The following LLPH variants were observed in gnomAD, a reference collection of about 807,000 sequenced individuals.
LLPH encodes the protein protein LLP homolog.
A neutral mutation model predicts 13.3 loss-of-function variants in LLPH; 5 were observed. The observed-to-expected ratio is 0.38, with a 90% CI of 0.20 to 0.79. LLPH has a LOEUF of 0.79. Among genes scored for constraint, LLPH ranks in the 30% least tolerant of loss-of-function variants. LLPH has a pLI of 0.45. For synonymous variants in LLPH, 32 were observed against 44.2 expected (o/e 0.72, Z 1.09); for missense variants, 129 against 152.1 (o/e 0.85, Z 0.80).
intron 2 of LLPH, among the ~76,000 whole-genome samples, chr12:66,125,083 A>T (rs919760170): frequency 2.0e-5 from 3 of 152,186 alleles, no homozygotes; most frequent in Non-Finnish European, 4.4e-5. Flanking sequence ...AAAAAAAAGA[A>T]CTGGTAGGCG....
intron 2 of LLPH, among the ~76,000 whole-genome samples, chr12:66,126,217 G>C (rs1398295693): frequency 1.3e-5 from 2 of 151,924 alleles, no homozygotes; most frequent in African/African-American, 2.4e-5. Flanking sequence ...CCAGCTACTA[G>C]GGAGGCTGAG....
rs1030988424 is a variant in LLPH, at chr12:66,117,224, T to A, written c.*6616A>T. 2 of 152,252 alleles carry A rather than the reference T, an allele frequency of 1.3e-5. No homozygotes were observed. The highest frequency in any genetic ancestry group is 2.9e-5 in the Non-Finnish European group (2 of 68,036). 9.4% of individuals were successfully genotyped at this position (152,252 alleles called of 1,614,324 possible). ...AAGAAAACTACAGTTGCATCTGTACTGAACATGTACCGACTTTTTTTCTTA... is the reference window on the plus strand; with the variant it reads ...AAGAAAACTACAGTTGCATCTGTACAGAACATGTACCGACTTTTTTTCTTA... On this transcript the variant is annotated 3_prime_UTR_variant, in exon 3 of 3. Coordinates refer to ENST00000266604, the MANE Select transcript of LLPH (RefSeq NM_032338.4).
At chr12:66,125,711 T>C (rs1424203423) in intron 2 of LLPH, among the ~76,000 whole-genome samples, 2 of 152,148 alleles carry the variant, frequency 1.3e-5, no homozygotes, top group Non-Finnish European at 2.9e-5. Context: ...CATCTAGCAG[T>C]TGACAGACCC....
chr12:66,120,722 A>G lies in LLPH; in HGVS notation c.*3118T>C, dbSNP rs2051458008. 6.6e-6 allele frequency: 1 copy of G among 152,254 alleles called. No individual in the cohort carries two copies. The highest frequency in any genetic ancestry group is 1.5e-5 in the Non-Finnish European group (1 of 68,046). The allele number at this position is 152,254 out of a possible 1,614,324, so 9.4% of individuals were successfully genotyped here. On this transcript the variant is annotated 3_prime_UTR_variant, in exon 3 of 3. Transcript: ENST00000266604. The stretch of plus-strand genomic sequence containing the variant: ...TCTCTGGAAAATGTCAGTCAAAAAG[A>G]TGACAAATTTCAAAAAAATAAGCTA...
intron 2 of LLPH, among the ~76,000 whole-genome samples, chr12:66,126,623 G>T (rs554517952): frequency 7.6e-4 from 116 of 152,020 alleles, no homozygotes; most frequent in African/African-American, 2.8e-3. Context: ...AATACAAATG[G>T]TCAATCAGCA....
chr12:66,129,743 T>C (rs1446212880), intron 1 of LLPH, among the ~76,000 whole-genome samples: 4 of 152,192 alleles, frequency 2.6e-5, no homozygotes, highest in Admixed American at 2.6e-4. Context: ...CGTCATCACC[T>C]TACATTTATG....
At chr12:66,125,889 A>T (rs1453451005) in intron 2 of LLPH, among the ~76,000 whole-genome samples, 1 of 152,254 alleles carries the variant, frequency 6.6e-6, no homozygotes, top group East Asian at 1.9e-4. Context: ...CCAAGAGGAA[A>T]GACAGATAAT....
At position 66,119,968 on chromosome 12, in the gene LLPH, G is replaced by A. The variant is rs936230977; in HGVS notation, c.*3872C>T. On this transcript the variant is annotated 3_prime_UTR_variant, in exon 3 of 3. Transcript: ENST00000266604. ...TAGCATGTGAATTACATAGTGGGAA[G>A]AGATATCTACACTAATGTGACAGTA... 6.6e-6 allele frequency: 1 copy of A among 151,450 alleles called. No individual in the cohort carries two copies. The highest frequency in any genetic ancestry group is 1.5e-5 in the Non-Finnish European group (1 of 67,830). 9.4% of individuals were successfully genotyped at this position (151,450 alleles called of 1,614,324 possible).
chr12:66,116,752 A>C lies in LLPH; in HGVS notation c.*7088T>G, dbSNP rs2051430754. The C allele has an allele frequency of 6.6e-6, 1 of 152,262 alleles. No homozygotes were observed. The highest frequency in any genetic ancestry group is 2.1e-4 in the South Asian group (1 of 4,838). The allele number at this position is 152,262 out of a possible 1,614,324, so 9.4% of individuals were successfully genotyped here. A position where few individuals can be genotyped will look rare whatever the true frequency, so the allele number is the denominator to read the frequency against. On this transcript the variant is annotated 3_prime_UTR_variant, in exon 3 of 3. Coordinates refer to ENST00000266604, the MANE Select transcript of LLPH (RefSeq NM_032338.4). ...AGACAATTCATCGCTTTAGGATATT[A>C]AATACATTCCGCATATTAAAAACTT...
intron 1 of LLPH, chr12:66,130,341 T>C (rs544414533): frequency 1.3e-4 from 20 of 152,364 alleles, no homozygotes; most frequent in African/African-American, 4.3e-4. Context: ...ACTTTTTGCA[T>C]ACTTGTTGAA....
chr12:66,124,070 C>T (rs1421096638), intron 2 of LLPH, 52 bp from the exon 3 acceptor site: 2 of 1,258,794 alleles, frequency 1.6e-6, no homozygotes, highest in Non-Finnish European at 2.2e-6. Context: ...AAAAACCACC[C>T]TGTGAAAGCA....
rs1005862318 is a variant in LLPH, at chr12:66,120,686, T to G, written c.*3154A>C. ...CTTAGCTTGAGCTCCATCTTGTGGC[T>G]TTACAGCAATTCTCTGGAAAATGTC... On this transcript the variant is annotated 3_prime_UTR_variant, in exon 3 of 3. Coordinates refer to ENST00000266604, the MANE Select transcript of LLPH (RefSeq NM_032338.4). The G allele has an allele frequency of 2.6e-5, 4 of 152,202 alleles. No homozygotes were observed. Among genetic ancestry groups the G allele is most frequent in the African/African-American group, 9.7e-5 (4 of 41,450 alleles). The allele number at this position is 152,202 out of a possible 1,614,324, so 9.4% of individuals were successfully genotyped here. A position where few individuals can be genotyped will look rare whatever the true frequency, so the allele number is the denominator to read the frequency against.
intron 2 of LLPH, among the ~76,000 whole-genome samples, chr12:66,124,345 G>C (rs774762323): frequency 6.6e-6 from 1 of 152,176 alleles, no homozygotes; most frequent in South Asian, 2.1e-4. Context: ...ATACACCTTA[G>C]ATGTAATGAA....
rs917458991 is a variant in LLPH, at chr12:66,122,882, A to C, written c.*958T>G. On this transcript the variant is annotated 3_prime_UTR_variant, in exon 3 of 3. Transcript: ENST00000266604. Reference sequence around the variant, plus strand: ...ATTAGGCCACACAATATTAACACTAAAGAACATTAAATCAGTTTCCATGAA... The same window carrying C: ...ATTAGGCCACACAATATTAACACTACAGAACATTAAATCAGTTTCCATGAA... 11 of 152,196 alleles carry C rather than the reference A, an allele frequency of 7.2e-5. No homozygotes were observed. The highest frequency in any genetic ancestry group is 2.7e-4 in the African/African-American group (11 of 41,440). 9.4% of individuals were successfully genotyped at this position (152,196 alleles called of 1,614,324 possible). A position where few individuals can be genotyped will look rare whatever the true frequency, so the allele number is the denominator to read the frequency against.
At chr12:66,129,624 ATC>A (rs1226042635) in intron 1 of LLPH, among the ~76,000 whole-genome samples, 1 of 152,120 alleles carries the variant, frequency 6.6e-6, no homozygotes, top group African/African-American at 2.4e-5. Context: ...TGACATTGTG[ATC>A]CGCCCGCCTC....
intron 2 of LLPH, among the ~76,000 whole-genome samples, chr12:66,127,246 C>A (rs1841235004): frequency 6.6e-6 from 1 of 152,138 alleles, no homozygotes. Flanking sequence ...ATTCACAACA[C>A]CCATAAGGGG....
intron 2 of LLPH, among the ~76,000 whole-genome samples, chr12:66,125,218 G>C (rs752791063): frequency 2.6e-5 from 4 of 152,258 alleles, no homozygotes; most frequent in Non-Finnish European, 5.9e-5. Flanking sequence ...AAGAGCGGAA[G>C]AGAGAAGTAA....
Position 66,120,332 on chromosome 12 carries a change from CTTGAGAGGCAGAATGGCA to C in LLPH, c.*3490_*3507del, listed in dbSNP as rs1260621531. The C allele has an allele frequency of 3.9e-5, 6 of 152,180 alleles. No homozygotes were observed. The highest frequency in any genetic ancestry group is 7.3e-5 in the Non-Finnish European group (5 of 68,030). 9.4% of individuals were successfully genotyped at this position (152,180 alleles called of 1,614,324 possible). A position where few individuals can be genotyped will look rare whatever the true frequency, so the allele number is the denominator to read the frequency against. ...CTCTCTTAGCAAGAGTTTGCACATCCTTGAGAGGCAGAATGGCATTGTAAGAGTATAGGCTCTAGAGCC... is the reference window on the plus strand; with the variant it reads ...CTCTCTTAGCAAGAGTTTGCACATCCTTGTAAGAGTATAGGCTCTAGAGCC... On this transcript the variant is annotated 3_prime_UTR_variant, in exon 3 of 3. Coordinates refer to ENST00000266604, the MANE Select transcript of LLPH (RefSeq NM_032338.4).
At chr12:66,124,140 A>G (rs2051482022) in intron 2 of LLPH, 122 bp from the exon 3 acceptor site, 4 of 614,584 alleles carry the variant, frequency 6.5e-6, no homozygotes, top group African/African-American at 1.9e-5. Context: ...AATAGAGAAG[A>G]AAAAAACTTT....
Sources: gnomAD v4.1 joint callset for allele counts (sites outside exome capture counted in the v4.1 genomes callset) on GRCh38, gnomAD v4.1.1 for gene constraint, MANE v1.5 for transcripts, NCBI Gene and HGNC (gene_info 2026-07-23, HGNC 2026-07-21) for gene names.